The following FLNC variants were observed in gnomAD, a reference collection of about 807,000 sequenced individuals.
FLNC encodes the protein filamin C, also known as filamin-C.
A neutral mutation model predicts 254.3 loss-of-function variants in FLNC; 91 were observed. The ratio of observed to expected loss-of-function variants is 0.36; its 90% CI spans 0.30 to 0.43. The LOEUF (loss-of-function observed/expected upper bound fraction) is 0.43. Among genes scored for constraint, FLNC ranks in the 20% least tolerant of loss-of-function variants. The pLI is 1.00. For missense variants in FLNC, 2,853 were observed against 3,802.6 expected (o/e 0.75, Z 6.57); for synonymous variants, 1,430 against 1,577.2 (o/e 0.91, Z 2.21).
intron 9 of FLNC, 104 bp from the exon 10 acceptor site, chr7:128,840,444 C>A: frequency 6.6e-7 from 1 of 1,525,998 alleles, no homozygotes; most frequent in Non-Finnish European, 9.0e-7. Context: ...CAGCACTGCC[C>A]TCGGGCTGGG....
In FLNC at chr7:128,857,004, G is replaced by A. The variant is rs1809091822; in HGVS notation, c.7561+83G>A. The A allele has an allele frequency of 1.9e-6, 3 of 1,579,620 alleles. No individual in the cohort carries two copies. The highest frequency in any genetic ancestry group is 2.6e-6 in the Non-Finnish European group (3 of 1,151,408). ...GGTGCTGCTTTGCTCCAGAGGTAGGGGCCCTGCTTCCTAAGCCAGGAGTCC... is the reference window on the plus strand; with the variant it reads ...GGTGCTGCTTTGCTCCAGAGGTAGGAGCCCTGCTTCCTAAGCCAGGAGTCC... On this transcript the variant is annotated intron_variant, in intron 45 of 47. Coordinates refer to ENST00000325888, the MANE Select transcript of FLNC (RefSeq NM_001458.5). This position sits in a 1 kb window ranked among gnomAD's most constrained non-coding sequence, Gnocchi z 4.5.
At position 128,850,442 on chromosome 7, in the gene FLNC, A is replaced by G; in HGVS notation, c.5357A>G (p.Asn1786Ser). 1 of 1,613,936 alleles carries G rather than the reference A, an allele frequency of 6.2e-7. No homozygotes were observed. The highest frequency in any genetic ancestry group is 8.5e-7 in the Non-Finnish European group (1 of 1,180,008). Residue 1786 changes from asparagine to serine, a missense_variant, in exon 32 of 48, where the codon AAC becomes AGC. By Grantham distance (46) the Asn-to-Ser change is conservative. Transcript: ENST00000325888. ...ATGGAGTCCATGCTGAGGCCCTTCA[A>G]CCTGGTCATCCCCTTCGCGGTGCAG... ...EPMESMLRPFNLVIPFAVQKG... is the reference protein window; with the variant it reads ...EPMESMLRPFSLVIPFAVQKG...
At position 128,844,008 on chromosome 7, in the gene FLNC, G is replaced by A. The variant is rs771749289; in HGVS notation, c.2934G>A (p.Val978=). Residue 978 remains valine (V), a synonymous_variant, in exon 20 of 48, where the codon GTG becomes GTA. Coordinates refer to ENST00000325888, the MANE Select transcript of FLNC (RefSeq NM_001458.5). Reference sequence around the variant, plus strand: ...TGTCACTTGCCCTCCACGCAGAGGTGGCTGTGGGACAGGAACAAGCATTCT... The same window carrying A: ...TGTCACTTGCCCTCCACGCAGAGGTAGCTGTGGGACAGGAACAAGCATTCT... ...KIKVQGLNSK[V]AVGQEQAFSV... is the part of the protein sequence containing the mutation. 5.6e-6 allele frequency: 9 copies of A among 1,614,164 alleles called. No individual in the cohort carries two copies. The Middle Eastern group carries it at 4.9e-4, about 89-fold the overall frequency.
chr7:128,838,425 T>A lies in FLNC; in HGVS notation c.1206T>A (p.Thr402=), dbSNP rs757898362. The A allele has an allele frequency of 1.3e-6, 2 of 1,572,076 alleles. No individual in the cohort carries two copies. Among genetic ancestry groups the A allele is most frequent in the Non-Finnish European group, 8.7e-7 (1 of 1,155,926 alleles). ...ANKPTYFDIY[T]AGAGTGDVAV... is the part of the protein sequence containing the mutation. ...AACCCACCTACTTTGACATCTACAC[T>A]GCGGGTAGGACGGGCCCCAGGGGGT... Residue 402 remains threonine (T), a synonymous_variant, in exon 7 of 48, where the codon ACT becomes ACA. Coordinates refer to ENST00000325888, the MANE Select transcript of FLNC (RefSeq NM_001458.5).
Position 128,842,823 on chromosome 7 carries a change from C to G in FLNC, c.2419C>G (p.Pro807Ala). ...CGTGAGCATCGGCATCAAGTGCGCC[C>G]CAGGCGTGGTGGGCCCTGCAGAGGC... Reference protein sequence around the residue: ...GDVSIGIKCAPGVVGPAEADI... With the variant: ...GDVSIGIKCAAGVVGPAEADI... The change falls in exon 16 of 48, where the codon CCA becomes GCA. Residue 807 changes from proline (P) to alanine (A), a missense_variant. By Grantham distance (27) the Pro-to-Ala change is conservative. Coordinates refer to ENST00000325888, the MANE Select transcript of FLNC (RefSeq NM_001458.5). This position sits in a 1 kb window ranked among gnomAD's most constrained non-coding sequence, Gnocchi z 5.4. The G allele has an allele frequency of 6.2e-7, 1 of 1,613,888 alleles. No individual in the cohort carries two copies. The highest frequency in any genetic ancestry group is 8.5e-7 in the Non-Finnish European group (1 of 1,180,030).
At position 128,847,949 on chromosome 7, in the gene FLNC, G is replaced by T. The variant is rs1219495553; in HGVS notation, c.4461G>T (p.Val1487=). The part of the protein sequence containing the change: ...LQVAVLGPTG[V]AEPVEVRDNG... ...GACCCTGTGCCCCTTGCCCAGGTGT[G>T]GCCGAGCCTGTGGAGGTGCGGGACA... Residue 1487 remains valine, a synonymous_variant, in exon 26 of 48, where the codon GTG becomes GTT. Coordinates refer to ENST00000325888, the MANE Select transcript of FLNC (RefSeq NM_001458.5). The T allele has an allele frequency of 6.2e-7, 1 of 1,613,468 alleles. No homozygotes were observed. Among genetic ancestry groups the T allele is most frequent in the African/African-American group, 1.3e-5 (1 of 74,928 alleles).
At chr7:128,831,041 G>GGGGC in intron 1 of FLNC, 52 bp downstream of exon 1, 5 of 1,559,392 alleles carry the variant, frequency 3.2e-6, no homozygotes, top group Non-Finnish European at 4.4e-6. Context: ...GTCGTCCCAT[G>GGGGC]GGGCAGGGGC....
At chr7:128,831,602 C>T (rs1486499132) in intron 1 of FLNC, among the ~76,000 whole-genome samples, 1 of 152,208 alleles carries the variant, frequency 6.6e-6, no homozygotes, top group East Asian at 1.9e-4. Context: ...ACTGAGCGAG[C>T]GCGGGGAGAC....
rs1171825965 is a variant in FLNC, at chr7:128,841,188, C to A, written c.1832C>A (p.Pro611His). The stretch of plus-strand genomic sequence containing the variant: ...GCCCCAGGCTTCTCCATCGAGGGGC[C>A]CTCACAAGCCAAGATCGAATGTGAC... ...VGTLGFSIEG[P>H]SQAKIECDDK... Residue 611 changes from proline (P) to histidine (H), a missense_variant, in exon 12 of 48, where the codon CCC (proline) becomes CAC (histidine). This residue lies in a region of FLNC where 1,573 missense variants were observed against 1,883.5 expected (regional missense o/e 0.84). Transcript: ENST00000325888. This position sits in a 1 kb window ranked among gnomAD's most constrained non-coding sequence, Gnocchi z 4.3. The A allele has an allele frequency of 6.2e-7, 1 of 1,613,950 alleles. No individual in the cohort carries two copies. Among genetic ancestry groups the A allele is most frequent in the South Asian group, 1.1e-5 (1 of 91,084 alleles).
chr7:128,850,836 G>A lies in FLNC; in HGVS notation c.5432G>A (p.Arg1811Gln), dbSNP rs369759751. 64 of 1,613,774 alleles carry A rather than the reference G, an allele frequency of 4.0e-5. No individual in the cohort carries two copies. The African/African-American group carries it at 4.0e-4, about 10-fold the overall frequency. ...EVRMPSGKTA[R>Q]PNITDNKDGT... is the part of the protein sequence containing the mutation. ...CGGATGCCCTCGGGGAAGACGGCAC[G>A]GCCCAACATCACCGACAACAAGGAC... Residue 1811 changes from arginine (R) to glutamine (Q), a missense_variant, in exon 33 of 48, where the codon CGG becomes CAG. Physicochemically the swap from Arg to Gln is conservative, Grantham distance 43 (BLOSUM62 1). Around this residue, in one of 10 missense-constraint regions of FLNC, gnomAD observed 258 missense variants for 312.3 expected, o/e 0.83. Transcript: ENST00000325888.
rs1248715929 is a variant in FLNC at position 128,855,230 on chromosome 7, T to A, written c.7167T>A (p.Asp2389Glu). ...GDYEVSIKFN[D>E]EHIPDSPFVV... ...ATGAGGTCTCCATCAAGTTCAATGA[T>A]GAGCACATCCCAGACAGCCCCTTTG... Residue 2389 changes from aspartate to glutamate, a missense_variant, in exon 43 of 48, where the codon GAT becomes GAA. By Grantham distance (45) the Asp-to-Glu change is conservative. Around this residue, in one of 10 missense-constraint regions of FLNC, gnomAD observed 551 missense variants for 835.0 expected, o/e 0.66. Coordinates refer to ENST00000325888, the MANE Select transcript of FLNC (RefSeq NM_001458.5). The A allele has an allele frequency of 6.2e-7, 1 of 1,613,552 alleles. No homozygotes were observed. The highest frequency in any genetic ancestry group is 1.3e-5 in the African/African-American group (1 of 74,880).
rs1554399973 is a variant in FLNC at position 128,848,577 on chromosome 7, G to A, written c.4597G>A (p.Val1533Ile). 2 of 1,613,814 alleles carry A rather than the reference G, an allele frequency of 1.2e-6. No homozygotes were observed. The highest frequency in any genetic ancestry group is 2.7e-5 in the African/African-American group (2 of 74,924). Reference protein sequence around the residue: ...EVPRSPFKIKVLPAHDASKVR... With the variant: ...EVPRSPFKIKILPAHDASKVR... ...CTCCTCAAGCCCCTTCAAGATCAAG[G>A]TCCTCCCAGCTCATGATGCCAGCAA... is the stretch of plus-strand genomic sequence containing the variant. Residue 1533 changes from valine to isoleucine, a missense_variant, in exon 27 of 48, where the codon GTC becomes ATC. By Grantham distance (29) the Val-to-Ile change is conservative. Coordinates refer to ENST00000325888, the MANE Select transcript of FLNC (RefSeq NM_001458.5).
At chr7:128,833,259 G>A (rs922273331) in intron 1 of FLNC, among the ~76,000 whole-genome samples, 164 of 152,336 alleles carry the variant, frequency 1.1e-3, no homozygotes, top group African/African-American at 3.8e-3. Flanking sequence ...GGGAGGGGCG[G>A]GAGGGGGCAG....
chr7:128,836,638 C>T lies in FLNC; in HGVS notation c.602-522C>T, dbSNP rs1808103599. On this transcript the variant is annotated intron_variant, in intron 2 of 47. Coordinates refer to ENST00000325888, the MANE Select transcript of FLNC (RefSeq NM_001458.5). This position sits in a 1 kb window ranked among gnomAD's most constrained non-coding sequence, Gnocchi z 6.0. ...TCTCCTCACAGGCCCTTTAATGCCT[C>T]AGTTTCCCCAAGTGAGCAGTTAGAA... 6.6e-6 allele frequency among the ~76,000 whole-genome samples: 1 copy of T among 152,206 alleles called. No homozygotes were observed. Among genetic ancestry groups the T allele is most frequent in the African/African-American group, 2.4e-5 (1 of 41,444 alleles).
In FLNC at chr7:128,854,095, G is replaced by A. The variant is rs752770117; in HGVS notation, c.6606G>A (p.Lys2202=). The part of the protein sequence containing the change: ...EISKTRGGET[K]REVRVEESTQ... The stretch of plus-strand genomic sequence containing the variant: ...GCAAGACGCGGGGCGGGGAGACAAA[G>A]CGCGAGGTGCGGGTGGAGGAGTCCA... The change falls in exon 40 of 48, where the codon AAG becomes AAA. Residue 2202 remains lysine (K), a synonymous_variant. Coordinates refer to ENST00000325888, the MANE Select transcript of FLNC (RefSeq NM_001458.5). The A allele has an allele frequency of 1.2e-6, 2 of 1,613,062 alleles. No individual in the cohort carries two copies. The highest frequency in any genetic ancestry group is 1.7e-6 in the Non-Finnish European group (2 of 1,179,930).
At chr7:128,855,105 C>CTGGGAT in intron 42 of FLNC, 94 bp from the exon 43 acceptor site, 1 of 1,098,954 alleles carries the variant, frequency 9.1e-7, no homozygotes, top group Non-Finnish European at 1.4e-6. Context: ...GAGCGCTGAC[C>CTGGGAT]ACAGAGCCTT....
chr7:128,848,131 C>T (rs1808642915), intron 26 of FLNC, 63 bp downstream of exon 26: 2 of 1,538,506 alleles, frequency 1.3e-6, no homozygotes, highest in Non-Finnish European at 1.8e-6. Context: ...GCTGGGGTGG[C>T]ACTCAGGATC....
At position 128,852,739 on chromosome 7, in the gene FLNC, C is replaced by T. The variant is rs1028363923; in HGVS notation, c.5991C>T (p.Pro1997=). 1 of 1,613,002 alleles carries T rather than the reference C, an allele frequency of 6.2e-7. No homozygotes were observed. Among genetic ancestry groups the T allele is most frequent in the African/African-American group, 1.3e-5 (1 of 74,938 alleles). The change falls in exon 36 of 48, where the codon CCC becomes CCT. Residue 1997 remains proline (P), a synonymous_variant. Coordinates refer to ENST00000325888, the MANE Select transcript of FLNC (RefSeq NM_001458.5). ...NEEPCLLKRL[P]NRHIGISFTP... Reference sequence around the variant, plus strand: ...AGCCCTGCCTGCTGAAGCGCCTGCCCAACCGGCACATTGGTGAGCGTGGGG... The same window carrying T: ...AGCCCTGCCTGCTGAAGCGCCTGCCTAACCGGCACATTGGTGAGCGTGGGG...
chr7:128,854,963 G>GGAA, intron 42 of FLNC, 51 bp downstream of exon 42: 1 of 1,603,526 alleles, frequency 6.2e-7, no homozygotes. Flanking sequence ...CTTCCAGACT[G>GGAA]GGTTTCTGCC....
Sources: gnomAD v4.1 joint callset for allele counts (sites outside exome capture counted in the v4.1 genomes callset) on GRCh38, gnomAD v4.1.1 for gene constraint, gnomAD v4.1.1 regional missense constraint, Gnocchi (gnomAD v3.1) non-coding constraint, MANE v1.5 for transcripts, NCBI Gene and HGNC (gene_info 2026-07-23, HGNC 2026-07-21) for gene names.